The following COTL1 variants were observed in gnomAD, a reference collection of about 807,000 sequenced individuals.
The protein encoded by COTL1 is coactosin like F-actin binding protein 1, also known as coactosin-like protein.
COTL1 carries 15 observed loss-of-function variants against 16.5 expected under a neutral mutation model. The ratio of observed to expected loss-of-function variants is 0.91; its 90% CI spans 0.61 to 1.40. COTL1 has a LOEUF of 1.40. COTL1 is among the 40% of genes most tolerant of loss of function. The pLI is 0.00. For synonymous variants in COTL1, 112 were observed against 85.3 expected, an observed-to-expected ratio of 1.31 and a Z score of -1.73; for missense variants, 220 against 201.5, an observed-to-expected ratio of 1.09 and a Z score of -0.56.
At chr16:84,612,822 G>T (rs956936478) in intron 2 of COTL1, among the ~76,000 whole-genome samples, 1 of 152,048 alleles carries the variant, frequency 6.6e-6, no homozygotes, top group African/African-American at 2.4e-5. Flanking sequence ...CTCATTTTAG[G>T]TGCATTACTT....
intron 2 of COTL1, among the ~76,000 whole-genome samples, chr16:84,613,288 C>T (rs114847663): frequency 0.021 from 3,206 of 152,210 alleles, 123 homozygotes; most frequent in African/African-American, 0.073. Flanking sequence ...GCATGAGCCA[C>T]GGCGCCCGGA....
intron 2 of COTL1, chr16:84,594,639 C>T (rs1449269898): frequency 6.6e-6 from 1 of 152,238 alleles, no homozygotes; most frequent in African/African-American, 2.4e-5. Flanking sequence ...GAGTGTGTTT[C>T]CATGGTAACC....
chr16:84,587,786 A>T (rs535776872), intron 3 of COTL1, among the ~76,000 whole-genome samples: 14 of 151,846 alleles, frequency 9.2e-5, no homozygotes, highest in East Asian at 3.9e-4. Flanking sequence ...TTATTTATTT[A>T]TTTATTTATT....
intron 2 of COTL1, among the ~76,000 whole-genome samples, chr16:84,592,598 T>TAAAA (rs11356776): frequency 9.8e-5 from 14 of 143,550 alleles, no homozygotes; most frequent in East Asian, 6.1e-4. Flanking sequence ...CACACTGAGT[T>TAAAA]AAAAAAAAAA....
At chr16:84,607,619 C>T (rs1306253102) in intron 2 of COTL1, among the ~76,000 whole-genome samples, 2 of 152,162 alleles carry the variant, frequency 1.3e-5, no homozygotes, top group Non-Finnish European at 2.9e-5. Context: ...GTTGGGGACA[C>T]ACACTGGAGG....
intron 2 of COTL1, among the ~76,000 whole-genome samples, chr16:84,593,029 C>A (rs183063673): frequency 1.3e-5 from 2 of 152,358 alleles, no homozygotes; most frequent in African/African-American, 2.4e-5. Context: ...TTTGTAACAA[C>A]GCTGGGAGGC....
At chr16:84,575,643 C>G (rs1904436185) in intron 3 of COTL1, 1 of 152,280 alleles carries the variant, frequency 6.6e-6, no homozygotes, top group African/African-American at 2.4e-5. Flanking sequence ...CAGGCATGAG[C>G]CACCACACCT....
At chr16:84,582,050 ATC>A (rs10607304) in intron 3 of COTL1, among the ~76,000 whole-genome samples, 54,256 of 138,342 alleles carry the variant, frequency 0.39, 11,281 homozygotes, top group African/African-American at 0.59. Context: ...CAGTGGTGCA[ATC>A]TCTCGGCTCA....
chr16:84,606,692 C>T (rs933056803), intron 2 of COTL1, among the ~76,000 whole-genome samples: 1 of 152,212 alleles, frequency 6.6e-6, no homozygotes, highest in Non-Finnish European at 1.5e-5. Flanking sequence ...CACAGAGGCA[C>T]AGCCTGGAGT....
chr16:84,592,187 C>A (rs1246294086), intron 2 of COTL1, among the ~76,000 whole-genome samples: 1 of 152,136 alleles, frequency 6.6e-6, no homozygotes, highest in African/African-American at 2.4e-5. Flanking sequence ...TTAATTGGGA[C>A]CCCTTTTGTG....
chr16:84,600,594 C>T (rs373625546), intron 2 of COTL1, among the ~76,000 whole-genome samples: 4 of 152,288 alleles, frequency 2.6e-5, no homozygotes, highest in African/African-American at 7.2e-5. Flanking sequence ...ATTACAGGCG[C>T]GAGCCACTGC....
At chr16:84,571,929 G>T (rs1254291231) in intron 3 of COTL1, among the ~76,000 whole-genome samples, 1 of 152,170 alleles carries the variant, frequency 6.6e-6, no homozygotes, top group African/African-American at 2.4e-5. Flanking sequence ...ATCCTACACG[G>T]GGTGCTCCCA....
At chr16:84,604,744 G>A (rs913683723) in intron 2 of COTL1, among the ~76,000 whole-genome samples, 1 of 152,146 alleles carries the variant, frequency 6.6e-6, no homozygotes, top group Non-Finnish European at 1.5e-5. Context: ...GTCACACAGG[G>A]GCCGCCAGGA....
At chr16:84,577,389 C>G (rs1174115246) in intron 3 of COTL1, among the ~76,000 whole-genome samples, 8 of 152,190 alleles carry the variant, frequency 5.3e-5, no homozygotes, top group African/African-American at 1.9e-4. Flanking sequence ...GGACTACAGG[C>G]ATGCGCCATC....
chr16:84,575,153 T>A (rs973438137), intron 3 of COTL1: 4 of 151,936 alleles, frequency 2.6e-5, no homozygotes, highest in Admixed American at 2.6e-4. Flanking sequence ...TTCTCCTGCC[T>A]CAGCCTCTCG....
At chr16:84,574,360 A>T (rs1338656162) in intron 3 of COTL1, among the ~76,000 whole-genome samples, 1 of 152,160 alleles carries the variant, frequency 6.6e-6, no homozygotes, top group Non-Finnish European at 1.5e-5. Context: ...ACTGCACAGC[A>T]ACATGTGTCA....
Position 84,617,561 on chromosome 16 carries a change from A to C in COTL1, c.100T>G (p.Ser34Ala). 4 of 1,557,910 alleles carry C rather than the reference A, an allele frequency of 2.6e-6. No individual in the cohort carries two copies. Among genetic ancestry groups the C allele is most frequent in the Non-Finnish European group, 2.6e-6 (3 of 1,150,170 alleles). ...VIWVTFKYDG[S>A]TIVPGEQGAE... is the part of the protein sequence containing the mutation. ...CCCTGCTCGCCGGGGACGATGGTGGAGCCGTCATATTTAAAAGTCACCCTT... is the reference window on the plus strand; with the variant it reads ...CCCTGCTCGCCGGGGACGATGGTGGCGCCGTCATATTTAAAAGTCACCCTT... Residue 34 changes from serine (S) to alanine (A), a missense_variant, in exon 2 of 4, where the codon TCC becomes GCC. Ser to Ala is a moderately conservative substitution (Grantham distance 99). Transcript: ENST00000262428.
chr16:84,590,446 TC>T lies in COTL1; in HGVS notation c.161-185del. 1 of 554,410 alleles carries T rather than the reference TC, an allele frequency of 1.8e-6. No individual in the cohort carries two copies. The highest frequency in any genetic ancestry group is 3.1e-6 in the Non-Finnish European group (1 of 322,886). The allele number at this position is 554,410 out of a possible 1,614,324, so 34.3% of individuals were successfully genotyped here. A position where few individuals can be genotyped will look rare whatever the true frequency, so the allele number is the denominator to read the frequency against. ...CACTCATCCGCTGCCCTTGTCACAC[TC>T]CCCTGAATCCTGGCAACAGTGCTGC... On this transcript the variant is annotated intron_variant, in intron 2 of 3. Coordinates refer to ENST00000262428, the MANE Select transcript of COTL1 (RefSeq NM_021149.5). The surrounding 1 kb of genome is among the most constrained non-coding windows in gnomAD (Gnocchi z 5.5).
chr16:84,585,208 G>A (rs1904688797), intron 3 of COTL1, among the ~76,000 whole-genome samples: 1 of 152,062 alleles, frequency 6.6e-6, no homozygotes, highest in Non-Finnish European at 1.5e-5. Context: ...ACTAAAATTA[G>A]CTGGGTGTGG....
Sources: gnomAD v4.1 joint callset for allele counts (sites outside exome capture counted in the v4.1 genomes callset) on GRCh38, gnomAD v4.1.1 for gene constraint, Gnocchi (gnomAD v3.1) non-coding constraint, MANE v1.5 for transcripts, NCBI Gene and HGNC (gene_info 2026-07-23, HGNC 2026-07-21) for gene names.